Variants in TNRC6B observed in about 807,000 individuals in gnomAD.
TNRC6B encodes trinucleotide repeat-containing gene 6B protein.
In TNRC6B, 52 loss-of-function variants were observed where a neutral mutation model predicts 203.6. The ratio of observed to expected loss-of-function variants is 0.26; its 90% CI spans 0.20 to 0.32. TNRC6B has a LOEUF of 0.32. Among genes scored for constraint, TNRC6B ranks in the 10% least tolerant of loss-of-function variants. TNRC6B has a pLI of 1.00. For synonymous variants in TNRC6B, 838 were observed against 845.7 expected (o/e 0.99, Z 0.16); for missense variants, 1,923 against 2,286.2 (o/e 0.84, Z 3.24).
chr22:40,244,304 A>G (rs750726560), intron 1 of TNRC6B, among the ~76,000 whole-genome samples: 22 of 152,244 alleles, frequency 1.4e-4, no homozygotes, highest in Non-Finnish European at 3.1e-4. Flanking sequence ...GAAATCCAGC[A>G]TAAGACCTAA....
intron 1 of TNRC6B, among the ~76,000 whole-genome samples, chr22:40,245,714 G>A (rs1601916437): frequency 3.4e-5 from 1 of 29,736 alleles, no homozygotes; most frequent in African/African-American, 4.4e-5. Context: ...AATTAATCGT[G>A]TGTGTGTGTG....
At chr22:40,195,018 C>CT (rs1254711610) in intron 1 of TNRC6B, among the ~76,000 whole-genome samples, 3 of 152,168 alleles carry the variant, frequency 2.0e-5, no homozygotes, top group Non-Finnish European at 4.4e-5. Flanking sequence ...GCTTGGAGGC[C>CT]TTTTGGAAGC....
At chr22:40,084,605 G>A (rs144878163) in intron 1 of TNRC6B, among the ~76,000 whole-genome samples, 16 of 152,284 alleles carry the variant, frequency 1.1e-4, no homozygotes, top group African/African-American at 3.6e-4. Flanking sequence ...TCTCTGAGGA[G>A]GTGCTATTTA....
intron 12 of TNRC6B, among the ~76,000 whole-genome samples, chr22:40,297,688 G>A (rs2070962793): frequency 6.6e-6 from 1 of 151,822 alleles, no homozygotes; most frequent in South Asian, 2.1e-4. Context: ...TGGGTGTGGT[G>A]GTGCGTGCCT....
chr22:40,322,688 A>G (rs144202520), intron 22 of TNRC6B, among the ~76,000 whole-genome samples, 166 bp from the exon 23 acceptor site: 1 of 152,334 alleles, frequency 6.6e-6, no homozygotes, highest in African/African-American at 2.4e-5. Context: ...TTCTGGACCC[A>G]GAGGTCTTGG....
At position 40,233,327 on chromosome 22, in the gene TNRC6B, G is replaced by GA. The variant is rs572778632; in HGVS notation, c.6-12679dup. Among the ~76,000 whole-genome samples, 1,013 of 142,156 alleles carry GA rather than the reference G, an allele frequency of 7.1e-3. 4 individuals are homozygous for GA. The highest frequency in any genetic ancestry group is 0.013 in the Middle Eastern group (3 of 234). 93.3% of individuals were successfully genotyped at this position (142,156 alleles called of 152,430 possible). ...ACAAAGCAAGACTCGTCACAAAAAA[G>GA]AAAAAAAAATTATCAGCCGGTCGCG... On this transcript the variant is annotated intron_variant, in intron 1 of 22. Coordinates refer to ENST00000454349, the MANE Select transcript of TNRC6B (RefSeq NM_001162501.2).
At chr22:40,089,539 C>CTTTTT (rs573640478) in intron 1 of TNRC6B, among the ~76,000 whole-genome samples, 1 of 148,976 alleles carries the variant, frequency 6.7e-6, no homozygotes, top group Non-Finnish European at 1.5e-5. Context: ...AGCGTTAAGA[C>CTTTTT]TTTTTTTTTT....
At position 40,326,798 on chromosome 22, in the gene TNRC6B, TTATC is replaced by T. The variant is rs2071408473; in HGVS notation, c.*3561_*3564del. On this transcript the variant is annotated 3_prime_UTR_variant, in exon 23 of 23. Transcript: ENST00000454349. ...AAATATAGGCATTACTAGAGGAAAA[TTATC>T]TATGGACTGTCCTATTAATGAAGAA... is the stretch of plus-strand genomic sequence containing the variant. 1 of 152,548 alleles carries T rather than the reference TTATC, an allele frequency of 6.6e-6. No individual in the cohort carries two copies. The highest frequency in any genetic ancestry group is 2.4e-5 in the African/African-American group (1 of 41,406). 9.4% of individuals were successfully genotyped at this position (152,548 alleles called of 1,614,324 possible). A position where few individuals can be genotyped will look rare whatever the true frequency, so the allele number is the denominator to read the frequency against.
chr22:40,294,073 C>CAAAAAAAA (rs11354611), intron 12 of TNRC6B, among the ~76,000 whole-genome samples: 173 of 80,100 alleles, frequency 2.2e-3, no homozygotes, highest in Non-Finnish European at 2.4e-3. Context: ...CCCATCTCTA[C>CAAAAAAAA]AAAAAAAAAA....
At chr22:40,090,904 G>C (rs542271092) in intron 1 of TNRC6B, among the ~76,000 whole-genome samples, 2 of 152,302 alleles carry the variant, frequency 1.3e-5, no homozygotes, top group East Asian at 3.9e-4. Flanking sequence ...CTGTGATCAG[G>C]ATCACATCAA....
intron 1 of TNRC6B, among the ~76,000 whole-genome samples, chr22:40,180,436 A>C (rs1225485892): frequency 6.6e-6 from 1 of 152,230 alleles, no homozygotes; most frequent in East Asian, 1.9e-4. Context: ...AGAGAATGAT[A>C]CAATGAATGC....
Position 40,265,333 on chromosome 22 carries a change from A to G in TNRC6B, c.1103A>G (p.His368Arg), listed in dbSNP as rs558311471. The G allele has an allele frequency of 2.5e-5, 40 of 1,614,060 alleles. No individual in the cohort carries two copies. In the South Asian group the frequency reaches 3.5e-4, roughly 14 times the overall value. ...TCTGGCAGAGAACAGGCTCAAATTC[A>G]TAACACTGATGGACCAAAAAATGGA... ...VVSGREQAQI[H>R]NTDGPKNGNT... The change falls in exon 5 of 23, where the codon CAT becomes CGT. Residue 368 changes from histidine to arginine, a missense_variant. By Grantham distance (29) the His-to-Arg change is conservative. This residue lies in a region of TNRC6B where 614 missense variants were observed against 587.7 expected (regional missense o/e 1.04). Coordinates refer to ENST00000454349, the MANE Select transcript of TNRC6B (RefSeq NM_001162501.2).
chr22:40,159,875 G>A (rs5995829), intron 4 of TNRC6B, among the ~76,000 whole-genome samples: 103,100 of 151,848 alleles, frequency 0.68, 36,753 homozygotes, highest in African/African-American at 0.9. Context: ...GCAATGGTAC[G>A]ATCATAGCTC....
intron 6 of TNRC6B, among the ~76,000 whole-genome samples, chr22:40,272,593 CT>C (rs1176846168): frequency 6.6e-6 from 1 of 152,146 alleles, no homozygotes; most frequent in Non-Finnish European, 1.5e-5. Context: ...AGTATTTTTA[CT>C]GCAAAGTATG....
At chr22:40,158,441 A>G (rs4402860) in intron 4 of TNRC6B, among the ~76,000 whole-genome samples, 1 of 152,068 alleles carries the variant, frequency 6.6e-6, no homozygotes, top group Non-Finnish European at 1.5e-5. Context: ...TTTTAAAAAA[A>G]CAGGTGGAAG....
In TNRC6B at chr22:40,330,747, T is replaced by C. The variant is rs1240089258; in HGVS notation, c.*7506T>C. The C allele has an allele frequency of 6.6e-6, 1 of 152,632 alleles. No individual in the cohort carries two copies. The highest frequency in any genetic ancestry group is 2.4e-5 in the African/African-American group (1 of 41,442). The allele number at this position is 152,632 out of a possible 1,614,324, so 9.5% of individuals were successfully genotyped here. On this transcript the variant is annotated 3_prime_UTR_variant, in exon 23 of 23. Coordinates refer to ENST00000454349, the MANE Select transcript of TNRC6B (RefSeq NM_001162501.2). ...CCTTTGTGAGTACAGAGACCGTCCGTTCTAGGAAGAAGCTATCCGTTGGAT... is the reference window on the plus strand; with the variant it reads ...CCTTTGTGAGTACAGAGACCGTCCGCTCTAGGAAGAAGCTATCCGTTGGAT...
chr22:40,123,501 CCT>C (rs1338984304), intron 2 of TNRC6B, among the ~76,000 whole-genome samples: 1 of 152,216 alleles, frequency 6.6e-6, no homozygotes, highest in Non-Finnish European at 1.5e-5. Context: ...CCTCTCCCGA[CCT>C]CCTGTCTCCA....
intron 1 of TNRC6B, among the ~76,000 whole-genome samples, chr22:40,062,264 G>T (rs985212983): frequency 1.3e-5 from 2 of 152,126 alleles, no homozygotes; most frequent in African/African-American, 4.8e-5. Flanking sequence ...GCAGTGGCGT[G>T]ATCTGGGCTC....
At chr22:40,188,128 G>A (rs1281409909) in intron 1 of TNRC6B, among the ~76,000 whole-genome samples, 2 of 152,136 alleles carry the variant, frequency 1.3e-5, no homozygotes, top group African/African-American at 2.4e-5. Context: ...AGAATCGCTT[G>A]AACCTGGGAG....
Sources: gnomAD v4.1 joint callset for allele counts (sites outside exome capture counted in the v4.1 genomes callset) on GRCh38, gnomAD v4.1.1 for gene constraint, gnomAD v4.1.1 regional missense constraint, MANE v1.5 for transcripts, NCBI Gene and HGNC (gene_info 2026-07-23, HGNC 2026-07-21) for gene names.